The following ENTREP2 variants were observed in gnomAD, a reference collection of about 807,000 sequenced individuals.
ENTREP2 encodes the protein protein ENTREP2.
At chr15:29,240,437 T>C in the ENTREP2 span, among the ~76,000 whole-genome samples, 2 of 151,730 alleles carry the variant, frequency 1.3e-5, no homozygotes, top group Non-Finnish European at 2.9e-5. Flanking sequence ...GGCGGGGGCC[T>C]ATGGGAGGTG....
the ENTREP2 span, among the ~76,000 whole-genome samples, chr15:29,478,016 TA>T: frequency 0.13 from 7,458 of 58,808 alleles, 496 homozygotes; most frequent in African/African-American, 0.17. Flanking sequence ...TATATATATA[TA>T]TATTTTTTTT....
the ENTREP2 span, among the ~76,000 whole-genome samples, chr15:29,478,126 G>A: frequency 1.6e-3 from 232 of 144,288 alleles, 1 homozygote; most frequent in Non-Finnish European, 2.6e-3. Context: ...CCGGGTTCAC[G>A]CCATTCTCCT....
chr15:29,311,034 A>G, the ENTREP2 span, among the ~76,000 whole-genome samples: 1 of 152,152 alleles, frequency 6.6e-6, no homozygotes. Context: ...AGAAGAAGGA[A>G]GAGACAAATT....
At chr15:29,124,556 A>AGT in the ENTREP2 span, 1 of 688,670 alleles carries the variant, frequency 1.5e-6, no homozygotes, top group South Asian at 1.8e-5. Flanking sequence ...AAAGCCAGAC[A>AGT]GTGGGCAGCC....
chr15:29,230,645 C>T, the ENTREP2 span, among the ~76,000 whole-genome samples: 1 of 151,712 alleles, frequency 6.6e-6, no homozygotes, highest in Non-Finnish European at 1.5e-5. Context: ...GAGTAGAAGT[C>T]GCTCAACAAA....
the ENTREP2 span, among the ~76,000 whole-genome samples, chr15:29,395,538 T>C: frequency 6.6e-6 from 1 of 151,186 alleles, no homozygotes; most frequent in Non-Finnish European, 1.5e-5. Flanking sequence ...TTCTTTCTTT[T>C]TTTTTTTTTG....
At chr15:29,363,377 T>G in the ENTREP2 span, among the ~76,000 whole-genome samples, 3 of 152,184 alleles carry the variant, frequency 2.0e-5, no homozygotes, top group African/African-American at 7.2e-5. Context: ...ATATTAAAGG[T>G]TAAGATGATT....
chr15:29,432,786 C>T, the ENTREP2 span, among the ~76,000 whole-genome samples: 4,378 of 152,188 alleles, frequency 0.029, 225 homozygotes, highest in African/African-American at 0.1. Flanking sequence ...GCAGCCTCCC[C>T]AGACCCTGAG....
chr15:29,158,923 C>A, the ENTREP2 span, among the ~76,000 whole-genome samples: 923 of 152,262 alleles, frequency 6.1e-3, 4 homozygotes, highest in South Asian at 0.023. Flanking sequence ...AAAATCTCTC[C>A]AGTCTACGTA....
the ENTREP2 span, among the ~76,000 whole-genome samples, chr15:29,139,877 G>A: frequency 4.9e-4 from 75 of 152,250 alleles, no homozygotes; most frequent in Non-Finnish European, 7.2e-4. Context: ...GGTGTGTCTC[G>A]CGGCCCAGGG....
chr15:29,558,905 G>A, the ENTREP2 span, among the ~76,000 whole-genome samples: 1 of 151,518 alleles, frequency 6.6e-6, no homozygotes, highest in Non-Finnish European at 1.5e-5. Flanking sequence ...TTTATGGTAA[G>A]AATACAGCAT....
At chr15:29,238,982 C>T in the ENTREP2 span, among the ~76,000 whole-genome samples, 1 of 152,078 alleles carries the variant, frequency 6.6e-6, no homozygotes, top group Admixed American at 6.6e-5. Context: ...GACATATATC[C>T]AAACCACATC....
At chr15:29,144,871 C>T in the ENTREP2 span, among the ~76,000 whole-genome samples, 1 of 151,886 alleles carries the variant, frequency 6.6e-6, no homozygotes, top group Non-Finnish European at 1.5e-5. Context: ...GAAACCCCAT[C>T]TCTACTAAAA....
chr15:29,588,816 G>A, the ENTREP2 span, among the ~76,000 whole-genome samples: 1 of 151,750 alleles, frequency 6.6e-6, no homozygotes, highest in African/African-American at 2.4e-5. Context: ...ATGAAACCCT[G>A]TCTCTACAAA....
chr15:29,630,132 A>C, the ENTREP2 span, among the ~76,000 whole-genome samples: 2 of 152,188 alleles, frequency 1.3e-5, no homozygotes, highest in African/African-American at 4.8e-5. Flanking sequence ...TAAAATAAAT[A>C]AATAAATAAA....
chr15:29,138,398 C>T, the ENTREP2 span, among the ~76,000 whole-genome samples: 2 of 152,228 alleles, frequency 1.3e-5, no homozygotes, highest in South Asian at 4.1e-4. Context: ...GACATTGCTC[C>T]AGCTCCAGTC....
chr15:29,438,466 A>G, the ENTREP2 span, among the ~76,000 whole-genome samples: 73,453 of 151,894 alleles, frequency 0.48, 18,634 homozygotes, highest in African/African-American at 0.64. Context: ...CTCCCTTTCT[A>G]CCATCCAGTC....
the ENTREP2 span, among the ~76,000 whole-genome samples, chr15:29,618,945 T>C: frequency 6.6e-6 from 1 of 152,228 alleles, no homozygotes; most frequent in Non-Finnish European, 1.5e-5. Context: ...AGACAGAGCC[T>C]AAGCAGACAA....
the ENTREP2 span, among the ~76,000 whole-genome samples, chr15:29,400,135 C>T: frequency 7.9e-5 from 12 of 152,318 alleles, no homozygotes; most frequent in African/African-American, 2.9e-4. Flanking sequence ...TGCCCGTGCA[C>T]ATATGTGAAA....
Sources: gnomAD v4.1 joint callset for allele counts (sites outside exome capture counted in the v4.1 genomes callset) on GRCh38, gnomAD v4.1.1 for gene constraint, MANE v1.5 for transcripts, NCBI Gene and HGNC (gene_info 2026-07-23, HGNC 2026-07-21) for gene names.